SLC2A13: variants seen among roughly 807,000 people sequenced by gnomAD.
SLC2A13 encodes solute carrier family 2 member 13, also known as proton myo-inositol cotransporter.
A neutral mutation model predicts 64.4 loss-of-function variants in SLC2A13; 32 were observed. The observed-to-expected ratio is 0.50, with a 90% CI of 0.37 to 0.67. SLC2A13 has a LOEUF of 0.67. Among genes scored for constraint, SLC2A13 ranks in the 30% least tolerant of loss-of-function variants. The pLI is 0.00. For synonymous variants in SLC2A13, 338 were observed against 327.1 expected (o/e 1.03, Z -0.36); for missense variants, 743 against 829.2 (o/e 0.90, Z 1.28).
chr12:40,051,694 A>T (rs1948258341), intron 1 of SLC2A13, among the ~76,000 whole-genome samples: 1 of 152,156 alleles, frequency 6.6e-6, no homozygotes, highest in Admixed American at 6.6e-5. Flanking sequence ...TACTGCAGAC[A>T]ATCAGATCAG....
chr12:39,916,145 G>A (rs1394683783), intron 4 of SLC2A13, among the ~76,000 whole-genome samples: 4 of 151,766 alleles, frequency 2.6e-5, no homozygotes, highest in South Asian at 2.1e-4. Context: ...GATTATAAAG[G>A]GGCAATATTA....
At position 39,989,372 on chromosome 12, in the gene SLC2A13, T is replaced by G. The variant is rs542363835; in HGVS notation, c.926-38007A>C. 1.6e-4 allele frequency among the ~76,000 whole-genome samples: 24 copies of G among 152,370 alleles called. No individual in the cohort carries two copies. The Middle Eastern group carries it at 0.01, about 65-fold the overall frequency. ...AATCTGCTCATTAAATTTTACCTTT[T>G]ATCACCATTATCTGTTAACATTTAT... is the stretch of plus-strand genomic sequence containing the variant. On this transcript the variant is annotated intron_variant, in intron 3 of 9. Transcript: ENST00000280871.
At chr12:39,858,371 A>C (rs181240475) in intron 6 of SLC2A13, among the ~76,000 whole-genome samples, 38 of 152,338 alleles carry the variant, frequency 2.5e-4, no homozygotes, top group African/African-American at 8.9e-4. Context: ...CATTATTAAT[A>C]GTAACCTCAT....
chr12:39,924,908 G>T (rs978967147), intron 4 of SLC2A13, among the ~76,000 whole-genome samples: 5 of 151,558 alleles, frequency 3.3e-5, no homozygotes, highest in African/African-American at 1.2e-4. Context: ...TAAAAAATCT[G>T]CCAAAGACTA....
intron 6 of SLC2A13, among the ~76,000 whole-genome samples, chr12:39,842,816 T>C (rs1943211351): frequency 6.6e-6 from 1 of 152,022 alleles, no homozygotes; most frequent in Non-Finnish European, 1.5e-5. Context: ...ATCTACTCTT[T>C]GTCTCTATGG....
At chr12:39,890,650 A>G (rs949414109) in intron 4 of SLC2A13, among the ~76,000 whole-genome samples, 2 of 152,168 alleles carry the variant, frequency 1.3e-5, no homozygotes, top group Non-Finnish European at 2.9e-5. Flanking sequence ...TAATTGATAC[A>G]TAACTGTATA....
In SLC2A13 at chr12:39,784,306, G is replaced by A. The variant is rs987319550; in HGVS notation, c.1446-19448C>T. 2.0e-4 allele frequency among the ~76,000 whole-genome samples: 31 copies of A among 152,184 alleles called. 1 individual carries two copies. Among genetic ancestry groups the A allele is most frequent in the Middle Eastern group, 3.4e-3 (1 of 294 alleles). The stretch of plus-strand genomic sequence containing the variant: ...AAAAGAACAAAGCTGGAGGCATCAC[G>A]CTACCTGACTTCAAACTACACTAGA... On this transcript the variant is annotated intron_variant, in intron 7 of 9. Transcript: ENST00000280871.
rs1939262725 is a variant in SLC2A13 at position 40,105,101 on chromosome 12, CAAA to C, written c.556+149_556+151del. The C allele has an allele frequency of 1.7e-6, 2 of 1,205,110 alleles. No homozygotes were observed. The highest frequency in any genetic ancestry group is 2.1e-6 in the Non-Finnish European group (2 of 943,940). 74.7% of individuals were successfully genotyped at this position (1,205,110 alleles called of 1,614,324 possible). ...GGGAGAGCCTTGGAGGCTGGACCAA[CAAA>C]CAGATGGGCTCTGGAGGCCAGAGAA... On this transcript the variant is annotated intron_variant, in intron 1 of 9. Transcript: ENST00000280871. This position sits in a 1 kb window ranked among gnomAD's most constrained non-coding sequence, Gnocchi z 4.2.
intron 6 of SLC2A13, among the ~76,000 whole-genome samples, chr12:39,848,956 G>C (rs909759645): frequency 6.6e-6 from 1 of 152,124 alleles, no homozygotes; most frequent in African/African-American, 2.4e-5. Context: ...TCACTTATAA[G>C]TGGGAGCTAA....
rs1488356393 is a variant in SLC2A13 at position 40,028,661 on chromosome 12, A to G, written c.717-152T>C. 3 of 698,802 alleles carry G rather than the reference A, an allele frequency of 4.3e-6. No homozygotes were observed. The African/African-American group carries it at 5.4e-5, about 13-fold the overall frequency. 43.3% of individuals were successfully genotyped at this position (698,802 alleles called of 1,614,324 possible). A position where few individuals can be genotyped will look rare whatever the true frequency, so the allele number is the denominator to read the frequency against. On this transcript the variant is annotated intron_variant, in intron 2 of 9. Transcript: ENST00000280871. Reference sequence around the variant, plus strand: ...TTTATGTGTGTGTCTGTCACTAGGAAAAAAGGATATTTTTGTGCTGCACTG... The same window carrying G: ...TTTATGTGTGTGTCTGTCACTAGGAGAAAAGGATATTTTTGTGCTGCACTG...
chr12:39,845,149 C>T (rs562968726), intron 6 of SLC2A13, among the ~76,000 whole-genome samples: 1 of 151,728 alleles, frequency 6.6e-6, no homozygotes, highest in Admixed American at 6.6e-5. Context: ...TGGGCAGTCA[C>T]GTTGCCTTTA....
chr12:39,959,197 C>T (rs958214795), intron 3 of SLC2A13, among the ~76,000 whole-genome samples: 9 of 152,096 alleles, frequency 5.9e-5, no homozygotes, highest in Non-Finnish European at 1.3e-4. Context: ...CGCTGTTTTC[C>T]TCTTCAATAT....
intron 6 of SLC2A13, among the ~76,000 whole-genome samples, chr12:39,840,599 T>C (rs917980160): frequency 6.6e-6 from 1 of 152,038 alleles, no homozygotes; most frequent in African/African-American, 2.4e-5. Context: ...TGGATGTTAC[T>C]TTCCACCTTA....
intron 2 of SLC2A13, among the ~76,000 whole-genome samples, chr12:40,030,451 C>T (rs10784338): frequency 0.38 from 58,292 of 151,938 alleles, 11,420 homozygotes; most frequent in African/African-American, 0.44. Context: ...AGGGATTTTT[C>T]AAGGTAGACC....
chr12:40,012,707 A>G (rs1183874535), intron 3 of SLC2A13, among the ~76,000 whole-genome samples: 1 of 152,222 alleles, frequency 6.6e-6, no homozygotes, highest in Non-Finnish European at 1.5e-5. Flanking sequence ...GCAAAGCAAT[A>G]ACTGTCACAG....
intron 7 of SLC2A13, among the ~76,000 whole-genome samples, chr12:39,767,667 G>A (rs1409220856): frequency 6.6e-6 from 1 of 152,024 alleles, no homozygotes; most frequent in Non-Finnish European, 1.5e-5. Context: ...GTTTAGCTGT[G>A]TCTTCACCCA....
intron 3 of SLC2A13, among the ~76,000 whole-genome samples, chr12:39,997,016 A>T (rs140688462): frequency 1.3e-5 from 2 of 152,204 alleles, no homozygotes; most frequent in African/African-American, 4.8e-5. Flanking sequence ...ATCATTCTTC[A>T]CAGAGTTAGA....
At chr12:39,838,232 G>C (rs1417107530) in intron 6 of SLC2A13, among the ~76,000 whole-genome samples, 1 of 150,900 alleles carries the variant, frequency 6.6e-6, no homozygotes, top group Non-Finnish European at 1.5e-5. Flanking sequence ...TCAGTAAACT[G>C]TCGCAAGATC....
At chr12:40,085,557 A>G (rs1220440257) in intron 1 of SLC2A13, among the ~76,000 whole-genome samples, 2 of 152,222 alleles carry the variant, frequency 1.3e-5, no homozygotes. Context: ...ATTTGGTCAC[A>G]GAAGTCTTTT....
Sources: allele counts gnomAD v4.1 joint callset (sites outside exome capture counted in the v4.1 genomes callset), GRCh38; gene constraint gnomAD v4.1.1; non-coding constraint Gnocchi (gnomAD v3.1); transcripts MANE v1.5; gene names NCBI Gene and HGNC (gene_info 2026-07-23, HGNC 2026-07-21).